Variants in PCDH11X observed in about 807,000 individuals in gnomAD.
The protein encoded by PCDH11X is protocadherin-11 X-linked.
A neutral mutation model predicts 53.3 loss-of-function variants in PCDH11X; 18 were observed. The observed-to-expected ratio is 0.34, with a 90% confidence interval of 0.23 to 0.50. The LOEUF is 0.50. Among genes scored for constraint, PCDH11X ranks in the 20% least tolerant of loss-of-function variants. PCDH11X has a pLI of 0.98. For synonymous variants in PCDH11X, 279 were observed against 393.3 expected (o/e 0.71, Z 3.44); for missense variants, 570 against 1,032.4 (o/e 0.55, Z 6.14).
chrX:91,808,883 G>A (rs1047322996), intron 1 of PCDH11X, among the ~76,000 whole-genome samples: 4 of 110,218 alleles, frequency 3.6e-5, no homozygotes, highest in African/African-American at 1.3e-4. Context: ...TTTACTAGAA[G>A]TCTCTTTAAG....
chrX:92,576,012 A>G (rs1282891201), intron 10 of PCDH11X, among the ~76,000 whole-genome samples: 3 of 27,569 alleles, frequency 1.1e-4, no homozygotes, highest in African/African-American at 6.3e-4. Context: ...ATATATATAT[A>G]CACACACACA....
chrX:92,521,370 T>C (rs1016816624), intron 10 of PCDH11X, among the ~76,000 whole-genome samples: 9 of 111,665 alleles, frequency 8.1e-5, no homozygotes, highest in Non-Finnish European at 1.5e-4. Context: ...CCAGGTACAT[T>C]GGCAATGAGC....
chrX:92,498,229 T>C lies in PCDH11X; in HGVS notation c.3367+29907T>C, dbSNP rs372503644. On this transcript the variant is annotated intron_variant, in intron 10 of 10. Transcript: ENST00000682573. ...TTAAGGTGATTTTATGAATGTATGC[T>C]CCTTAAAAGAGGTAGTTTTGCTTGT... Among the ~76,000 whole-genome samples, 10 of 111,159 alleles carry C rather than the reference T, an allele frequency of 9.0e-5. No homozygotes were observed. The East Asian group carries it at 2.5e-3, about 28-fold the overall frequency.
At chrX:91,825,871 A>T (rs1182132009) in intron 4 of PCDH11X, among the ~76,000 whole-genome samples, 1 of 107,897 alleles carries the variant, frequency 9.3e-6, no homozygotes, top group Non-Finnish European at 1.9e-5. Flanking sequence ...TTTACATTTA[A>T]AACTGATATT....
intron 6 of PCDH11X, among the ~76,000 whole-genome samples, chrX:92,111,844 C>G (rs1329437528): frequency 9.1e-6 from 1 of 109,941 alleles, no homozygotes; most frequent in Non-Finnish European, 1.9e-5. Context: ...GCAAACTCCA[C>G]CTCCCAGGTT....
At chrX:92,163,669 G>A (rs924385605) in intron 6 of PCDH11X, among the ~76,000 whole-genome samples, 6 of 111,479 alleles carry the variant, frequency 5.4e-5, no homozygotes, top group African/African-American at 2.0e-4. Flanking sequence ...TCACAGCTTG[G>A]GTACTCTCAG....
rs774875581 is a variant in PCDH11X, at chrX:92,254,515, G to A, written c.3115-8599G>A. Among the ~76,000 whole-genome samples, 699 of 108,059 alleles carry A rather than the reference G, an allele frequency of 6.5e-3. 5 individuals carry two copies. The highest frequency in any genetic ancestry group is 9.4e-3 in the Non-Finnish European group (491 of 52,487). The allele number at this position is 108,059 out of a possible 115,157, so 93.8% of individuals were successfully genotyped here. A position where few individuals can be genotyped will look rare whatever the true frequency, so the allele number is the denominator to read the frequency against. ...TAGCTGGTTATTTTGCGCGTTAGTT[G>A]ATGCAGTTTCTTCCTAGTCTCGATG... is the stretch of plus-strand genomic sequence containing the variant. On this transcript the variant is annotated intron_variant, in intron 7 of 10. Transcript: ENST00000682573.
chrX:92,268,623 G>A (rs898996869), intron 8 of PCDH11X, among the ~76,000 whole-genome samples: 2 of 111,826 alleles, frequency 1.8e-5, no homozygotes, highest in South Asian at 3.7e-4. Context: ...TGCTCTTCTA[G>A]GGACATTGTA....
chrX:91,952,486 GAA>G, intron 6 of PCDH11X, among the ~76,000 whole-genome samples: 1 of 111,457 alleles, frequency 9.0e-6, no homozygotes, highest in Middle Eastern at 4.6e-3. Flanking sequence ...AACTGCCAAA[GAA>G]TGAATAACTC....
intron 7 of PCDH11X, among the ~76,000 whole-genome samples, chrX:92,255,007 G>A (rs1250775130): frequency 1.0e-5 from 1 of 95,530 alleles, no homozygotes; most frequent in African/African-American, 3.9e-5. Flanking sequence ...GATTGGGGAA[G>A]TTCTCCTGGA....
At chrX:92,468,023 A>G (rs1292566756) in intron 9 of PCDH11X, among the ~76,000 whole-genome samples, 1 of 111,743 alleles carries the variant, frequency 8.9e-6, no homozygotes, top group East Asian at 2.8e-4. Flanking sequence ...GTTACGTTTA[A>G]TAACACATTT....
intron 10 of PCDH11X, among the ~76,000 whole-genome samples, chrX:92,518,067 T>C (rs187858038): frequency 6.6e-4 from 70 of 106,429 alleles, no homozygotes; most frequent in South Asian, 1.7e-3. Flanking sequence ...ATTTCTCTTT[T>C]TTTATTGGTT....
chrX:92,289,502 C>T (rs768868410), intron 8 of PCDH11X, among the ~76,000 whole-genome samples: 7 of 111,611 alleles, frequency 6.3e-5, no homozygotes, highest in South Asian at 3.7e-4. Context: ...TGAGTACTTA[C>T]GCACTGATGA....
At chrX:92,042,215 A>G (rs2063219452) in intron 6 of PCDH11X, among the ~76,000 whole-genome samples, 1 of 111,026 alleles carries the variant, frequency 9.0e-6, no homozygotes, top group South Asian at 3.7e-4. Flanking sequence ...ATCTTAAAAT[A>G]TTATATTATT....
chrX:92,510,616 A>G (rs922829186), intron 10 of PCDH11X, among the ~76,000 whole-genome samples: 1 of 108,448 alleles, frequency 9.2e-6, no homozygotes, highest in African/African-American at 3.3e-5. Flanking sequence ...AACCTCACTT[A>G]TTATCCGGTA....
intron 5 of PCDH11X, among the ~76,000 whole-genome samples, chrX:91,853,310 C>G: frequency 9.1e-6 from 1 of 110,355 alleles, no homozygotes; most frequent in Non-Finnish European, 1.9e-5. Context: ...TTTATATATA[C>G]AGAAAACATA....
intron 8 of PCDH11X, among the ~76,000 whole-genome samples, chrX:92,328,924 A>G (rs1288191092): frequency 1.8e-5 from 2 of 111,145 alleles, no homozygotes; most frequent in Admixed American, 9.6e-5. Flanking sequence ...CTATACCCCA[A>G]CTCATTCCTT....
Position 91,929,379 on chromosome X carries a change from G to T in PCDH11X, c.3033+50106G>T, listed in dbSNP as rs1602511470. Among the ~76,000 whole-genome samples, 3 of 110,374 alleles carry T rather than the reference G, an allele frequency of 2.7e-5. 1 individual carries two copies. The Admixed American group carries it at 2.9e-4, about 11-fold the overall frequency. ...TACTATGTGCCAGGTACTAGTCTGAGCCCTTGAACATAACACAAGAGCCCT... is the reference window on the plus strand; with the variant it reads ...TACTATGTGCCAGGTACTAGTCTGATCCCTTGAACATAACACAAGAGCCCT... On this transcript the variant is annotated intron_variant, in intron 6 of 10. Transcript: ENST00000682573.
chrX:92,196,044 G>A (rs180676682), intron 6 of PCDH11X, among the ~76,000 whole-genome samples: 2 of 111,960 alleles, frequency 1.8e-5, no homozygotes, highest in African/African-American at 6.5e-5. Context: ...TTTACTCTGT[G>A]TAACTTATAA....
Sources: allele counts gnomAD v4.1 joint callset (sites outside exome capture counted in the v4.1 genomes callset), GRCh38; gene constraint gnomAD v4.1.1; transcripts MANE v1.5; gene names NCBI Gene and HGNC (gene_info 2026-07-23, HGNC 2026-07-21).